ACAD10: variants seen among roughly 807,000 people sequenced by gnomAD.
ACAD10 encodes acyl-CoA dehydrogenase family member 10, also known as ACAD-10.
In ACAD10, 112 loss-of-function variants were observed where a neutral mutation model predicts 116.8. The ratio of observed to expected loss-of-function variants is 0.96; its 90% CI spans 0.82 to 1.12. The LOEUF is 1.12. ACAD10 is among the 50% of genes most tolerant of loss of function. ACAD10 has a pLI of 0.00. For missense variants in ACAD10, 1,259 were observed against 1,350.2 expected (o/e 0.93, Z 1.06); for synonymous variants, 486 against 510.6 (o/e 0.95, Z 0.65).
intron 9 of ACAD10, 136 bp downstream of exon 9, chr12:111,728,279 C>T: frequency 1.1e-6 from 1 of 883,232 alleles, no homozygotes; most frequent in Non-Finnish European, 1.6e-6. Flanking sequence ...CCTTGGAAAT[C>T]CAGTTTAGTT....
intron 8 of ACAD10, among the ~76,000 whole-genome samples, chr12:111,725,243 C>G (rs1311478195): frequency 6.6e-6 from 1 of 152,116 alleles, no homozygotes; most frequent in Non-Finnish European, 1.5e-5. Flanking sequence ...CATAGTGGCT[C>G]ACTCCTGTAA....
chr12:111,693,097 T>G lies in ACAD10; in HGVS notation c.187+201T>G. On this transcript the variant is annotated intron_variant, in intron 2 of 20. Coordinates refer to ENST00000313698, the MANE Select transcript of ACAD10 (RefSeq NM_025247.6). ...TCAGCTTCTCCAAATCTTACTTTCC[T>G]CATCATTAAATGAGCTAATGGTAGT... is the stretch of plus-strand genomic sequence containing the variant. The G allele has an allele frequency of 8.3e-6, 5 of 599,890 alleles. No homozygotes were observed. In the East Asian group the frequency reaches 1.2e-4, roughly 14 times the overall value. 37.2% of individuals were successfully genotyped at this position (599,890 alleles called of 1,614,324 possible).
At position 111,705,830 on chromosome 12, in the gene ACAD10, T is replaced by G; in HGVS notation, c.429T>G (p.Thr143=). 1 of 1,614,182 alleles carries G rather than the reference T, an allele frequency of 6.2e-7. No homozygotes were observed. Among genetic ancestry groups the G allele is most frequent in the Non-Finnish European group, 8.5e-7 (1 of 1,180,042 alleles). ...TCCCAGTGATGACTGAGGCCATAAC[T>G]CAAATTCGGGCAAAAGGTCTTCAGA... is the stretch of plus-strand genomic sequence containing the variant. The part of the protein sequence containing the change: ...KQFPVMTEAI[T]QIRAKGLQTA... Residue 143 remains threonine (T), a synonymous_variant, in exon 4 of 21, where the codon ACT becomes ACG. Transcript: ENST00000313698.
At position 111,746,303 on chromosome 12, in the gene ACAD10, T is replaced by C. The variant is rs535261970; in HGVS notation, c.2256+19T>C. On this transcript the variant is annotated intron_variant, in intron 14 of 20. Coordinates refer to ENST00000313698, the MANE Select transcript of ACAD10 (RefSeq NM_025247.6). Reference sequence around the variant, plus strand: ...CCCCGAGGTACCTTCTTTAAAGTTTTCCTCAGTGTGTGGGAACATCCTGAT... The same window carrying C: ...CCCCGAGGTACCTTCTTTAAAGTTTCCCTCAGTGTGTGGGAACATCCTGAT... 1.1e-4 allele frequency: 182 copies of C among 1,606,948 alleles called. 4 individuals carry two copies. The South Asian group carries it at 1.9e-3, about 17-fold the overall frequency.
In ACAD10 at chr12:111,748,369, A is replaced by G; in HGVS notation, c.2538A>G (p.Pro846=). The change falls in exon 17 of 21, where the codon CCA becomes CCG. Residue 846 remains proline (P), a synonymous_variant. Transcript: ENST00000313698. ...GTGTGTTTATGGGAAAAACAGACCCACATGCACCAAGACACCGGCAGCAGT... is the reference window on the plus strand; with the variant it reads ...GTGTGTTTATGGGAAAAACAGACCCGCATGCACCAAGACACCGGCAGCAGT... ...QLCVFMGKTD[P]HAPRHRQQSV... 6.2e-7 allele frequency: 1 copy of G among 1,614,148 alleles called. No individual in the cohort carries two copies. The highest frequency in any genetic ancestry group is 1.1e-5 in the South Asian group (1 of 91,082).
intron 2 of ACAD10, among the ~76,000 whole-genome samples, chr12:111,701,676 A>G (rs1888353069): frequency 6.6e-6 from 1 of 152,118 alleles, no homozygotes; most frequent in Non-Finnish European, 1.5e-5. Context: ...AAAAAAGAAG[A>G]AATTTGCTTC....
At chr12:111,723,827 A>C (rs1889127631) in intron 8 of ACAD10, among the ~76,000 whole-genome samples, 2 of 148,344 alleles carry the variant, frequency 1.3e-5, no homozygotes, top group African/African-American at 5.0e-5. Context: ...CTCACTTCTC[A>C]GACGGGGCGG....
intron 19 of ACAD10, among the ~76,000 whole-genome samples, chr12:111,754,764 A>AC (rs1451061064): frequency 4.6e-5 from 7 of 152,222 alleles, no homozygotes; most frequent in Admixed American, 4.6e-4. Flanking sequence ...GCCTTGGTCC[A>AC]CTGCTGCTTG....
At chr12:111,729,307 G>A (rs1190385394) in intron 9 of ACAD10, among the ~76,000 whole-genome samples, 1 of 152,052 alleles carries the variant, frequency 6.6e-6, no homozygotes. Context: ...GCGCAATCTC[G>A]GCTCACTTCA....
At chr12:111,732,712 G>C (rs1169484989) in intron 10 of ACAD10, among the ~76,000 whole-genome samples, 1 of 152,166 alleles carries the variant, frequency 6.6e-6, no homozygotes, top group Admixed American at 6.6e-5. Context: ...TTCAATATAG[G>C]GTTATTTAGT....
chr12:111,687,009 A>G (rs974091343), intron 1 of ACAD10, among the ~76,000 whole-genome samples: 3 of 152,154 alleles, frequency 2.0e-5, no homozygotes, highest in African/African-American at 7.2e-5. Flanking sequence ...GTATATGGAG[A>G]TAACATTAGC....
chr12:111,733,399 A>C (rs1267037301), intron 10 of ACAD10, among the ~76,000 whole-genome samples: 2 of 152,032 alleles, frequency 1.3e-5, no homozygotes, highest in African/African-American at 4.8e-5. Flanking sequence ...TGGACTTCTT[A>C]CCTGGGGGCT....
At chr12:111,705,580 C>T (rs1888477063) in intron 3 of ACAD10, among the ~76,000 whole-genome samples, 158 bp from the exon 4 acceptor site, 1 of 152,188 alleles carries the variant, frequency 6.6e-6, no homozygotes, top group African/African-American at 2.4e-5. Context: ...AGCACAGGGG[C>T]TGAGGAACAC....
At position 111,747,402 on chromosome 12, in the gene ACAD10, G is replaced by A. The variant is rs1889943439; in HGVS notation, c.2485+17G>A. On this transcript the variant is annotated intron_variant, in intron 16 of 20. Coordinates refer to ENST00000313698, the MANE Select transcript of ACAD10 (RefSeq NM_025247.6). ...GGATCACAGGTATTTGGCCTAAAAT[G>A]CACTTTCCAAATGCACATCAGGGAG... 1 of 1,613,644 alleles carries A rather than the reference G, an allele frequency of 6.2e-7. No individual in the cohort carries two copies. Among genetic ancestry groups the A allele is most frequent in the African/African-American group, 1.3e-5 (1 of 74,912 alleles).
At chr12:111,739,003 G>A (rs1285221704) in intron 12 of ACAD10, among the ~76,000 whole-genome samples, 1 of 138,364 alleles carries the variant, frequency 7.2e-6, no homozygotes, top group African/African-American at 2.6e-5. Flanking sequence ...TGGGGTGGGG[G>A]GGTGGGGAAT....
At chr12:111,721,803 A>T in intron 8 of ACAD10, 64 bp downstream of exon 8, 1 of 1,385,074 alleles carries the variant, frequency 7.2e-7, no homozygotes, top group Non-Finnish European at 9.9e-7. Flanking sequence ...CCATATGCTA[A>T]CACAAATTCC....
At chr12:111,730,255 A>G (rs1462430269) in intron 10 of ACAD10, among the ~76,000 whole-genome samples, 1 of 152,188 alleles carries the variant, frequency 6.6e-6, no homozygotes, top group Admixed American at 6.5e-5. Context: ...AAATCTTCGC[A>G]GACCTGGTCC....
intron 4 of ACAD10, 129 bp downstream of exon 4, chr12:111,706,061 G>A: frequency 1.1e-6 from 1 of 939,902 alleles, no homozygotes; most frequent in Non-Finnish European, 1.6e-6. Flanking sequence ...GACTAAGTTA[G>A]GTTTAAATGC....
chr12:111,723,292 C>T (rs1325591504), intron 8 of ACAD10, among the ~76,000 whole-genome samples: 1 of 139,124 alleles, frequency 7.2e-6, no homozygotes. Context: ...CCTCACCTCC[C>T]AGACGGGGCG....
Sources: allele counts gnomAD v4.1 joint callset (sites outside exome capture counted in the v4.1 genomes callset), GRCh38; gene constraint gnomAD v4.1.1; transcripts MANE v1.5; gene names NCBI Gene and HGNC (gene_info 2026-07-23, HGNC 2026-07-21).